Variants in CABCOCO1 observed in about 807,000 individuals in gnomAD.
CABCOCO1 encodes ciliary associated calcium binding coiled-coil 1.
A neutral mutation model predicts 35.7 loss-of-function variants in CABCOCO1; 28 were observed. The ratio of observed to expected loss-of-function variants is 0.78; its 90% CI spans 0.58 to 1.07. The LOEUF (loss-of-function observed/expected upper bound fraction) is 1.07. CABCOCO1 is among the 50% of genes least tolerant of loss of function. CABCOCO1 has a pLI of 0.00. For missense variants in CABCOCO1, 326 were observed against 309.2 expected, an observed-to-expected ratio of 1.05 and a Z score of -0.41; for synonymous variants, 95 against 100.1, an observed-to-expected ratio of 0.95 and a Z score of 0.30.
chr10:61,745,089 C>T (rs760959138), intron 5 of CABCOCO1, among the ~76,000 whole-genome samples: 9 of 152,136 alleles, frequency 5.9e-5, no homozygotes, highest in Non-Finnish European at 8.8e-5. Flanking sequence ...GTTATTAATA[C>T]TGGGATTTTT....
chr10:61,702,686 G>C (rs1407130368), intron 5 of CABCOCO1, among the ~76,000 whole-genome samples: 2 of 152,002 alleles, frequency 1.3e-5, no homozygotes, highest in South Asian at 4.1e-4. Context: ...TGTTCAAGTT[G>C]GCTTATGAGG....
At chr10:61,713,270 T>C (rs746305742) in intron 5 of CABCOCO1, among the ~76,000 whole-genome samples, 2 of 152,200 alleles carry the variant, frequency 1.3e-5, no homozygotes, top group African/African-American at 4.8e-5. Context: ...TTGTAGCAAT[T>C]GTGAATGGGA....
rs1589140478 is a variant in CABCOCO1, at chr10:61,722,067, G to A, written c.552+31446G>A. Among the ~76,000 whole-genome samples the A allele has an allele frequency of 2.0e-5, 3 of 152,138 alleles. 1 individual carries two copies. In the South Asian group the frequency reaches 6.2e-4, roughly 32 times the overall value. ...CAAAGATATTTGTTGTCAATTGGAT[G>A]AGTCTCTTTGTCTACTTGTTTGTTT... On this transcript the variant is annotated intron_variant, in intron 5 of 7. Transcript: ENST00000648843.
At chr10:61,720,617 A>G (rs1230944414) in intron 5 of CABCOCO1, among the ~76,000 whole-genome samples, 2 of 152,222 alleles carry the variant, frequency 1.3e-5, no homozygotes, top group African/African-American at 4.8e-5. Context: ...ACATAAAATT[A>G]AGGCCAAACA....
intron 5 of CABCOCO1, among the ~76,000 whole-genome samples, chr10:61,704,280 C>A (rs1050290168): frequency 6.6e-6 from 1 of 152,118 alleles, no homozygotes; most frequent in Non-Finnish European, 1.5e-5. Flanking sequence ...TAATTTCTTT[C>A]CCCTTGAAAG....
chr10:61,681,151 G>A lies in CABCOCO1; in HGVS notation c.173G>A (p.Arg58Lys). 1.4e-6 allele frequency: 2 copies of A among 1,443,800 alleles called. No homozygotes were observed. Among genetic ancestry groups the A allele is most frequent in the East Asian group, 2.5e-5 (1 of 39,602 alleles). 89.4% of individuals were successfully genotyped at this position (1,443,800 alleles called of 1,614,324 possible). Residue 58 changes from arginine to lysine, a missense_variant, in exon 3 of 8, where the codon AGA (arginine) becomes AAA (lysine). Physicochemically the swap from Arg to Lys is conservative, Grantham distance 26. Transcript: ENST00000648843. Reference protein sequence around the residue: ...EDIDGVQEKLRIFLNFKNLET... With the variant: ...EDIDGVQEKLKIFLNFKNLET... ...TTTGTTTTATTTTACAGAAAACTGA[G>A]AATATTTTTGAATTTCAAAAACCTT...
chr10:61,671,349 T>G (rs1246393299), intron 1 of CABCOCO1, among the ~76,000 whole-genome samples: 1 of 151,280 alleles, frequency 6.6e-6, no homozygotes, highest in Non-Finnish European at 1.5e-5. Flanking sequence ...GTTTGACATG[T>G]ACAGTTATGC....
At chr10:61,701,785 A>G in intron 5 of CABCOCO1, 1 of 985,324 alleles carries the variant, frequency 1.0e-6, no homozygotes. Flanking sequence ...GTCAAAGGAA[A>G]ATAACCTGGA....
chr10:61,694,799 C>T (rs1274524126), intron 5 of CABCOCO1, among the ~76,000 whole-genome samples: 1 of 151,958 alleles, frequency 6.6e-6, no homozygotes, highest in Non-Finnish European at 1.5e-5. Context: ...GCTAGGAGAA[C>T]AAAAATTGGA....
chr10:61,670,937 T>C (rs1289149765), intron 1 of CABCOCO1, among the ~76,000 whole-genome samples: 2 of 152,234 alleles, frequency 1.3e-5, no homozygotes, highest in Non-Finnish European at 2.9e-5. Context: ...TCTTTCTCGC[T>C]ATTAGTATTC....
chr10:61,761,889 A>C (rs1437406556), intron 7 of CABCOCO1, among the ~76,000 whole-genome samples: 1 of 152,094 alleles, frequency 6.6e-6, no homozygotes, highest in East Asian at 1.9e-4. Flanking sequence ...ATGTTATTGC[A>C]CTATTTACAC....
intron 5 of CABCOCO1, among the ~76,000 whole-genome samples, chr10:61,694,658 G>T (rs1840246151): frequency 2.0e-5 from 3 of 151,850 alleles, no homozygotes; most frequent in African/African-American, 7.3e-5. Flanking sequence ...TGAAAGCTCA[G>T]CTAGCAAAGC....
At chr10:61,761,436 A>T (rs1296415810) in intron 7 of CABCOCO1, among the ~76,000 whole-genome samples, 1 of 152,018 alleles carries the variant, frequency 6.6e-6, no homozygotes, top group Non-Finnish European at 1.5e-5. Flanking sequence ...GTTCCTTTTG[A>T]CCTATCAGTA....
intron 5 of CABCOCO1, among the ~76,000 whole-genome samples, chr10:61,728,729 C>A (rs769722395): frequency 2.6e-5 from 4 of 152,210 alleles, no homozygotes; most frequent in Admixed American, 6.5e-5. Context: ...AGGAGACTAG[C>A]GAGATGGAGC....
At chr10:61,721,489 C>T (rs1841020148) in intron 5 of CABCOCO1, among the ~76,000 whole-genome samples, 1 of 152,102 alleles carries the variant, frequency 6.6e-6, no homozygotes, top group Non-Finnish European at 1.5e-5. Flanking sequence ...CAAATCTAAC[C>T]TTTCCTCACT....
At chr10:61,723,496 A>G (rs1342309412) in intron 5 of CABCOCO1, among the ~76,000 whole-genome samples, 1 of 152,200 alleles carries the variant, frequency 6.6e-6, no homozygotes, top group Non-Finnish European at 1.5e-5. Flanking sequence ...CAGGCAGTGT[A>G]TTAGTGTGCT....
At chr10:61,709,850 G>A (rs1840685125) in intron 5 of CABCOCO1, among the ~76,000 whole-genome samples, 1 of 151,932 alleles carries the variant, frequency 6.6e-6, no homozygotes, top group South Asian at 2.1e-4. Flanking sequence ...TTTGTGCTGA[G>A]CAGCTTTTCA....
chr10:61,715,223 T>G (rs539257752), intron 5 of CABCOCO1, among the ~76,000 whole-genome samples: 1 of 152,330 alleles, frequency 6.6e-6, no homozygotes, highest in East Asian at 1.9e-4. Context: ...ATATTTAGGA[T>G]AGTTAGCTCT....
intron 5 of CABCOCO1, among the ~76,000 whole-genome samples, chr10:61,720,231 G>T (rs1840969852): frequency 1.3e-5 from 2 of 151,558 alleles, no homozygotes; most frequent in Non-Finnish European, 1.5e-5. Flanking sequence ...TTTTTTTTAA[G>T]TATGCAAGCA....
Sources: allele counts gnomAD v4.1 joint callset (sites outside exome capture counted in the v4.1 genomes callset), GRCh38; gene constraint gnomAD v4.1.1; transcripts MANE v1.5; gene names NCBI Gene and HGNC (gene_info 2026-07-23, HGNC 2026-07-21).